Variants in RXRA observed in about 807,000 individuals in gnomAD.
RXRA encodes the protein retinoid X receptor alpha, also known as retinoic acid receptor RXR-alpha.
Under a neutral mutation model 44.5 loss-of-function variants are expected in RXRA, and 5 were observed. The observed-to-expected ratio is 0.11, with a 90% CI of 0.06 to 0.24. RXRA has a LOEUF of 0.24. Ranked by LOEUF, RXRA falls within the 10% of genes least tolerant of loss-of-function variation. The pLI is 1.00. For synonymous variants in RXRA, 291 were observed against 271.4 expected, an observed-to-expected ratio of 1.07 and a Z score of -0.71; for missense variants, 412 against 646.5, an observed-to-expected ratio of 0.64 and a Z score of 3.93.
intron 1 of RXRA, 178 bp from the exon 2 acceptor site, chr9:134,401,454 C>T: frequency 1.0e-6 from 1 of 952,714 alleles, no homozygotes. Flanking sequence ...GCTCTGGGCA[C>T]ACCTGGCCCG....
intron 1 of RXRA, among the ~76,000 whole-genome samples, chr9:134,371,673 C>A (rs375507262): frequency 1.3e-5 from 2 of 152,340 alleles, no homozygotes; most frequent in East Asian, 1.9e-4. Flanking sequence ...GTGGCCTGGC[C>A]CTTGGGGTAT....
intron 7 of RXRA, among the ~76,000 whole-genome samples, chr9:134,431,293 C>T (rs1300730877): frequency 4.6e-5 from 7 of 152,250 alleles, no homozygotes; most frequent in Non-Finnish European, 8.8e-5. Flanking sequence ...AGTCTGAATC[C>T]AAGAACGCCC....
chr9:134,388,554 T>G (rs1434094081), intron 1 of RXRA, among the ~76,000 whole-genome samples: 1 of 152,202 alleles, frequency 6.6e-6, no homozygotes, highest in African/African-American at 2.4e-5. Flanking sequence ...GTCTGACTGC[T>G]TGTCCTCTGG....
Position 134,406,636 on chromosome 9 carries a change from C to T in RXRA, c.280-1513C>T, listed in dbSNP as rs34383074. ...CAGGGCCTTGTCCCCTGGTGCCTCC[C>T]GGAGCCCAGCACGGGGCAGGGCCAG... is the stretch of plus-strand genomic sequence containing the variant. On this transcript the variant is annotated intron_variant, in intron 2 of 9. Transcript: ENST00000481739. Among the ~76,000 whole-genome samples, 10 of 152,280 alleles carry T rather than the reference C, an allele frequency of 6.6e-5. No individual in the cohort carries two copies. The East Asian group carries it at 7.7e-4, about 12-fold the overall frequency.
At chr9:134,361,696 T>C (rs1191509976) in intron 1 of RXRA, among the ~76,000 whole-genome samples, 1 of 152,246 alleles carries the variant, frequency 6.6e-6, no homozygotes, top group Non-Finnish European at 1.5e-5. Context: ...TGGCTCTGAT[T>C]AACATCGGAG....
chr9:134,416,364 T>A (rs1431842149), intron 4 of RXRA, among the ~76,000 whole-genome samples: 2 of 152,186 alleles, frequency 1.3e-5, no homozygotes, highest in Non-Finnish European at 2.9e-5. Flanking sequence ...CCGGAGCCCA[T>A]GCCTGGTGCA....
intron 1 of RXRA, among the ~76,000 whole-genome samples, chr9:134,401,203 C>T (rs1830953401): frequency 6.6e-6 from 1 of 152,250 alleles, no homozygotes; most frequent in Non-Finnish European, 1.5e-5. Context: ...AGCCTTTCTG[C>T]CTTTCATGAT....
chr9:134,327,934 T>C (rs1289882091), intron 1 of RXRA, among the ~76,000 whole-genome samples: 1 of 152,144 alleles, frequency 6.6e-6, no homozygotes, highest in Non-Finnish European at 1.5e-5. Context: ...GCTCCAGGGC[T>C]CAGCCTCCAG....
At chr9:134,335,968 C>G (rs115613957) in intron 1 of RXRA, among the ~76,000 whole-genome samples, 1 of 152,182 alleles carries the variant, frequency 6.6e-6, no homozygotes, top group Non-Finnish European at 1.5e-5. Context: ...GATGGCTTCT[C>G]GCCCTCTCCC....
chr9:134,342,341 C>G lies in RXRA; in HGVS notation c.28+15682C>G, dbSNP rs868955877. Among the ~76,000 whole-genome samples the G allele has an allele frequency of 6.6e-6, 1 of 152,112 alleles. No individual in the cohort carries two copies. The highest frequency in any genetic ancestry group is 6.6e-5 in the Admixed American group (1 of 15,266). On this transcript the variant is annotated intron_variant, in intron 1 of 9. Coordinates refer to ENST00000481739, the MANE Select transcript of RXRA (RefSeq NM_002957.6). The surrounding 1 kb of genome is among the most constrained non-coding windows in gnomAD (Gnocchi z 4.4). ...CAGAACCCTGGGGGAGGGAGTTGCC[C>G]TCATTTACAGAGGGGGCCTGGGCTC...
intron 7 of RXRA, among the ~76,000 whole-genome samples, chr9:134,429,918 C>T (rs1483804883): frequency 2.0e-5 from 3 of 151,982 alleles, no homozygotes; most frequent in Non-Finnish European, 2.9e-5. Flanking sequence ...TGGAGTCTCG[C>T]TCTGTCGCCC....
At chr9:134,420,953 C>A (rs1002342890) in intron 5 of RXRA, among the ~76,000 whole-genome samples, 5 of 152,246 alleles carry the variant, frequency 3.3e-5, no homozygotes, top group African/African-American at 1.2e-4. Flanking sequence ...GAGGCTCCTG[C>A]CCTCCTGAGC....
intron 1 of RXRA, among the ~76,000 whole-genome samples, chr9:134,398,640 C>T (rs1232237197): frequency 6.6e-6 from 1 of 152,160 alleles, no homozygotes; most frequent in Non-Finnish European, 1.5e-5. Context: ...CCCTCCAGTC[C>T]CCTCCTCCAA....
In RXRA at chr9:134,429,369, T is replaced by C. The variant is rs1831491650; in HGVS notation, c.1043+129T>C. Reference sequence around the variant, plus strand: ...TTTCAGTGCATGAAGGGTGCACACATGGAAAAAGAGAAAAGCATGAGGAGG... The same window carrying C: ...TTTCAGTGCATGAAGGGTGCACACACGGAAAAAGAGAAAAGCATGAGGAGG... On this transcript the variant is annotated intron_variant, in intron 7 of 9. Coordinates refer to ENST00000481739, the MANE Select transcript of RXRA (RefSeq NM_002957.6). 7 of 990,540 alleles carry C rather than the reference T, an allele frequency of 7.1e-6. No individual in the cohort carries two copies. In the Admixed American group the frequency reaches 2.0e-4, roughly 28 times the overall value. The allele number at this position is 990,540 out of a possible 1,614,324, so 61.4% of individuals were successfully genotyped here. A position where few individuals can be genotyped will look rare whatever the true frequency, so the allele number is the denominator to read the frequency against.
chr9:134,374,923 A>G (rs1272373086), intron 1 of RXRA, among the ~76,000 whole-genome samples: 2 of 152,084 alleles, frequency 1.3e-5, no homozygotes, highest in African/African-American at 2.4e-5. Flanking sequence ...GGCACCTGCT[A>G]TGTGCCAGGC....
intron 1 of RXRA, among the ~76,000 whole-genome samples, chr9:134,332,990 G>A (rs1554746856): frequency 6.6e-6 from 1 of 152,162 alleles, no homozygotes; most frequent in East Asian, 1.9e-4. Flanking sequence ...GGGTATGGGT[G>A]AGGCACCTTT....
chr9:134,431,325 C>T (rs1023061880), intron 7 of RXRA, among the ~76,000 whole-genome samples: 2 of 152,246 alleles, frequency 1.3e-5, no homozygotes, highest in Non-Finnish European at 2.9e-5. Context: ...ATGGAGGGAG[C>T]TGGCGGGCTT....
At chr9:134,416,243 G>A (rs1027763963) in intron 4 of RXRA, among the ~76,000 whole-genome samples, 8 of 152,224 alleles carry the variant, frequency 5.3e-5, no homozygotes, top group Admixed American at 1.3e-4. Flanking sequence ...GGCAAATCCA[G>A]GTGGAGGTAA....
chr9:134,405,564 G>T (rs543313283), intron 2 of RXRA: 3 of 152,474 alleles, frequency 2.0e-5, no homozygotes, highest in African/African-American at 7.2e-5. Context: ...TTTACCCAGG[G>T]CAGGTGCTAG....
Sources: allele counts gnomAD v4.1 joint callset (sites outside exome capture counted in the v4.1 genomes callset), GRCh38; gene constraint gnomAD v4.1.1; non-coding constraint Gnocchi (gnomAD v3.1); transcripts MANE v1.5; gene names NCBI Gene and HGNC (gene_info 2026-07-23, HGNC 2026-07-21).